The following SPATA13 variants were observed in gnomAD, a reference collection of about 807,000 sequenced individuals.
SPATA13 encodes spermatogenesis associated 13, also known as spermatogenesis-associated protein 13.
In SPATA13, 50 loss-of-function variants were observed where a neutral mutation model predicts 104.0. The ratio of observed to expected loss-of-function variants is 0.48; its 90% CI spans 0.38 to 0.61. The LOEUF (loss-of-function observed/expected upper bound fraction) is 0.61. Ranked by LOEUF, SPATA13 falls within the 20% of genes least tolerant of loss-of-function variation. The probability of loss-of-function intolerance (pLI) is 0.00; values close to 1 mark genes in which losing one functional copy is unlikely to be tolerated. For synonymous variants in SPATA13, 606 were observed against 667.5 expected (o/e 0.91, Z 1.42); for missense variants, 1,524 against 1,690.6 (o/e 0.90, Z 1.73).
At chr13:24,123,362 TAC>T (rs1881103516) in intron 3 of SPATA13, 1 of 1,305,434 alleles carries the variant, frequency 7.7e-7, no homozygotes, top group Non-Finnish European at 1.1e-6. Flanking sequence ...AATAGTGAAT[TAC>T]CCAGCAAGCC....
intron 1 of SPATA13, among the ~76,000 whole-genome samples, chr13:24,188,886 A>T (rs1869332872): frequency 6.6e-6 from 1 of 152,178 alleles, no homozygotes; most frequent in African/African-American, 2.4e-5. Context: ...ACCATTCTGA[A>T]AATCCTAGGC....
chr13:24,047,842 C>T (rs938353293), intron 3 of SPATA13, among the ~76,000 whole-genome samples: 35 of 152,186 alleles, frequency 2.3e-4, no homozygotes, highest in African/African-American at 7.5e-4. Flanking sequence ...ACAGGATCTG[C>T]TGTCTGTAAC....
intron 1 of SPATA13, among the ~76,000 whole-genome samples, chr13:24,220,105 C>T (rs998036605): frequency 1.3e-5 from 2 of 152,132 alleles, no homozygotes; most frequent in African/African-American, 4.8e-5. Flanking sequence ...TCATGGGACC[C>T]GCACAGACGC....
chr13:23,999,272 A>G (rs1180020993), intron 2 of SPATA13, among the ~76,000 whole-genome samples: 1 of 149,318 alleles, frequency 6.7e-6, no homozygotes, highest in African/African-American at 2.5e-5. Flanking sequence ...CTCAAAATCA[A>G]GTGCTATAGG....
At chr13:24,294,325 CTG>C (rs1159192525) in intron 9 of SPATA13, among the ~76,000 whole-genome samples, 1 of 152,168 alleles carries the variant, frequency 6.6e-6, no homozygotes, top group Admixed American at 6.5e-5. Context: ...CAAATAGTCA[CTG>C]TTGAAAATGG....
At chr13:24,237,899 T>C (rs1872646050) in intron 2 of SPATA13, among the ~76,000 whole-genome samples, 2 of 143,622 alleles carry the variant, frequency 1.4e-5, no homozygotes, top group African/African-American at 5.0e-5. Context: ...TATATAAACA[T>C]ACATGTTTAA....
intron 3 of SPATA13, among the ~76,000 whole-genome samples, chr13:24,087,176 C>T (rs1879753166): frequency 6.6e-6 from 1 of 152,074 alleles, no homozygotes; most frequent in Non-Finnish European, 1.5e-5. Context: ...GCAATGTCAC[C>T]ACTCCCAGAG....
intron 1 of SPATA13, among the ~76,000 whole-genome samples, chr13:24,178,676 G>T (rs945634408): frequency 6.6e-6 from 1 of 152,140 alleles, no homozygotes; most frequent in Non-Finnish European, 1.5e-5. Flanking sequence ...CCAGCATTTT[G>T]TACTGTGCCA....
intron 4 of SPATA13, chr13:24,278,639 C>T (rs1875195857): frequency 1.8e-5 from 27 of 1,482,796 alleles, no homozygotes; most frequent in Non-Finnish European, 2.3e-5. Context: ...CATCATTCCA[C>T]TTGAGGCTCA....
intron 3 of SPATA13, among the ~76,000 whole-genome samples, chr13:24,040,255 C>G (rs1055099461): frequency 5.3e-5 from 8 of 152,168 alleles, no homozygotes; most frequent in African/African-American, 1.9e-4. Flanking sequence ...ACTGAGTGCT[C>G]TCTATGCATC....
At chr13:24,292,002 C>T (rs1267344502) in intron 9 of SPATA13, among the ~76,000 whole-genome samples, 6 of 151,522 alleles carry the variant, frequency 4.0e-5, no homozygotes, top group East Asian at 3.9e-4. Flanking sequence ...ATGATCCACC[C>T]GCCTCGGCCT....
intron 2 of SPATA13, among the ~76,000 whole-genome samples, chr13:24,016,371 T>G (rs892922802): frequency 2.0e-5 from 3 of 152,224 alleles, no homozygotes; most frequent in African/African-American, 7.2e-5. Context: ...ATGTGACATC[T>G]TCCCATTTCT....
At chr13:24,202,160 A>G (rs1301329131) in intron 1 of SPATA13, among the ~76,000 whole-genome samples, 3 of 152,166 alleles carry the variant, frequency 2.0e-5, no homozygotes, top group Non-Finnish European at 4.4e-5. Context: ...GATACATCTA[A>G]GTTTATCCTT....
At position 24,190,289 on chromosome 13, in the gene SPATA13, A is replaced by T. The variant is rs186110856; in HGVS notation, c.-112+29357A>T. On this transcript the variant is annotated intron_variant, in intron 1 of 12. Transcript: ENST00000382108. ...ATATATATTATTATATATAATATATAATATTATATATTATTATATATAATA... is the reference window on the plus strand; with the variant it reads ...ATATATATTATTATATATAATATATTATATTATATATTATTATATATAATA... Among the ~76,000 whole-genome samples, 13 of 7,652 alleles carry T rather than the reference A, an allele frequency of 1.7e-3. 1 individual carries two copies. Among genetic ancestry groups the T allele is most frequent in the African/African-American group, 1.8e-3 (13 of 7,246 alleles). 5.0% of individuals were successfully genotyped at this position (7,652 alleles called of 152,430 possible). A position where few individuals can be genotyped will look rare whatever the true frequency, so the allele number is the denominator to read the frequency against.
At chr13:24,147,045 GTTTA>G (rs772097456) in intron 3 of SPATA13, among the ~76,000 whole-genome samples, 17 of 152,206 alleles carry the variant, frequency 1.1e-4, no homozygotes, top group African/African-American at 3.9e-4. Flanking sequence ...CTCTGGATGA[GTTTA>G]TTATTTTCCG....
chr13:24,098,048 T>C lies in SPATA13; in HGVS notation c.-112+80347T>C, dbSNP rs141795462. Among the ~76,000 whole-genome samples the C allele has an allele frequency of 2.8e-4, 42 of 152,114 alleles. 4 individuals carry two copies. The East Asian group carries it at 7.9e-3, about 29-fold the overall frequency. On this transcript the variant is annotated intron_variant, in intron 3 of 14. Coordinates refer to the SPATA13 transcript ENST00000424834. ...GTGCAGGAAAGCTAATTATTTCACA[T>C]GAAAATGGCCCTAGAAGGCTATTAA...
intron 3 of SPATA13, among the ~76,000 whole-genome samples, chr13:24,019,119 C>G (rs1445071251): frequency 9.0e-5 from 13 of 144,672 alleles, no homozygotes; most frequent in African/African-American, 3.1e-4. Context: ...GACGGAGTCT[C>G]GCTCTGTCGC....
At chr13:24,263,594 A>G (rs1874161768) in intron 4 of SPATA13, among the ~76,000 whole-genome samples, 1 of 152,222 alleles carries the variant, frequency 6.6e-6, no homozygotes, top group African/African-American at 2.4e-5. Flanking sequence ...TCACCTCTAG[A>G]TTACTTAAAG....
At chr13:24,239,416 T>TG (rs1344814358) in intron 2 of SPATA13, among the ~76,000 whole-genome samples, 1 of 152,064 alleles carries the variant, frequency 6.6e-6, no homozygotes, top group Non-Finnish European at 1.5e-5. Flanking sequence ...AACAACAGTC[T>TG]GGGTATGGTG....
Sources: gnomAD v4.1 joint callset for allele counts (sites outside exome capture counted in the v4.1 genomes callset) on GRCh38, gnomAD v4.1.1 for gene constraint, MANE v1.5 for transcripts, NCBI Gene and HGNC (gene_info 2026-07-23, HGNC 2026-07-21) for gene names.